AP2B1: variants seen among roughly 807,000 people sequenced by gnomAD.
AP2B1 encodes adaptor related protein complex 2 subunit beta 1, also known as AP-2 complex subunit beta.
Under a neutral mutation model 102.0 loss-of-function variants are expected in AP2B1, and 23 were observed. The ratio of observed to expected loss-of-function variants is 0.23; its 90% confidence interval spans 0.16 to 0.32. AP2B1 has a LOEUF of 0.32. Ranked by LOEUF, AP2B1 falls within the 10% of genes least tolerant of loss-of-function variation. The pLI is 1.00. For missense variants in AP2B1, 541 were observed against 1,157.4 expected, an observed-to-expected ratio of 0.47 and a Z score of 7.73; for synonymous variants, 381 against 421.2, an observed-to-expected ratio of 0.90 and a Z score of 1.17.
chr17:35,725,396 G>C lies in AP2B1; in HGVS notation c.*1697G>C. On this transcript the variant is annotated 3_prime_UTR_variant, in exon 22 of 22. Coordinates refer to ENST00000610402, the MANE Select transcript of AP2B1 (RefSeq NM_001030006.2). ...GACCTAACTCACTGGACTCAGAGGA[G>C]GAATCGTGGAAAACAAGAGCAAAAC... 1 of 152,164 alleles carries C rather than the reference G, an allele frequency of 6.6e-6. No homozygotes were observed. The highest frequency in any genetic ancestry group is 2.1e-4 in the South Asian group (1 of 4,834). The allele number at this position is 152,164 out of a possible 1,614,324, so 9.4% of individuals were successfully genotyped here.
intron 21 of AP2B1, among the ~76,000 whole-genome samples, chr17:35,721,867 C>T (rs1411034121): frequency 6.6e-6 from 1 of 152,180 alleles, no homozygotes; most frequent in African/African-American, 2.4e-5. Context: ...CTCTTCTCTT[C>T]CATTTCTGAA....
chr17:35,635,919 C>T (rs2074595473), intron 9 of AP2B1, among the ~76,000 whole-genome samples: 1 of 151,560 alleles, frequency 6.6e-6, no homozygotes, highest in African/African-American at 2.4e-5. Flanking sequence ...AAACCCCTGA[C>T]CTCAGGTGAT....
intron 12 of AP2B1, among the ~76,000 whole-genome samples, chr17:35,646,650 A>G (rs957289008): frequency 5.3e-5 from 8 of 150,010 alleles, no homozygotes; most frequent in Non-Finnish European, 7.4e-5. Flanking sequence ...CGGTGGTGCA[A>G]TCTCAGCTCA....
At chr17:35,653,846 C>G (rs905755152) in intron 13 of AP2B1, among the ~76,000 whole-genome samples, 2 of 152,052 alleles carry the variant, frequency 1.3e-5, no homozygotes, top group African/African-American at 4.8e-5. Context: ...AGCCACCGTG[C>G]CCAGCCCAGT....
At chr17:35,648,581 G>A (rs1244007926) in intron 12 of AP2B1, among the ~76,000 whole-genome samples, 1 of 152,016 alleles carries the variant, frequency 6.6e-6, no homozygotes, top group Non-Finnish European at 1.5e-5. Context: ...AATAATAAAG[G>A]TAGAAAGGGA....
chr17:35,666,019 C>G (rs1224169021), intron 14 of AP2B1, among the ~76,000 whole-genome samples: 3 of 152,070 alleles, frequency 2.0e-5, no homozygotes, highest in African/African-American at 7.2e-5. Context: ...CGGATTTATT[C>G]CCCTATATAA....
rs587734130 is a variant in AP2B1, at chr17:35,720,945, C to G, written c.2782-2680C>G. Among the ~76,000 whole-genome samples, 9 of 152,128 alleles carry G rather than the reference C, an allele frequency of 5.9e-5. No individual in the cohort carries two copies. In the South Asian group the frequency reaches 1.9e-3, roughly 32 times the overall value. Reference sequence around the variant, plus strand: ...GGTGGTAGAGGGGTATCAGAGGTATCTGATTTGCCTATCTAAAGAGGCAGA... The same window carrying G: ...GGTGGTAGAGGGGTATCAGAGGTATGTGATTTGCCTATCTAAAGAGGCAGA... On this transcript the variant is annotated intron_variant, in intron 21 of 21. Coordinates refer to ENST00000610402, the MANE Select transcript of AP2B1 (RefSeq NM_001030006.2).
At position 35,671,916 on chromosome 17, in the gene AP2B1, A is replaced by G. The variant is rs777117567; in HGVS notation, c.2178+16A>G. 9 of 1,610,972 alleles carry G rather than the reference A, an allele frequency of 5.6e-6. No individual in the cohort carries two copies. Among genetic ancestry groups the G allele is most frequent in the African/African-American group, 1.3e-5 (1 of 74,876 alleles). On this transcript the variant is annotated intron_variant, in intron 16 of 21. Transcript: ENST00000610402. ...TCCTAAGGCTGTAAGTAAAGAGTTA[A>G]CATAGCAATACTTTCTTAATGGACA...
In AP2B1 at chr17:35,636,119, T is replaced by G. The variant is rs146934085; in HGVS notation, c.1156-222T>G. Among the ~76,000 whole-genome samples, 753 of 152,324 alleles carry G rather than the reference T, an allele frequency of 4.9e-3. 7 individuals are homozygous for G. Among genetic ancestry groups the G allele is most frequent in the African/African-American group, 0.017 (708 of 41,558 alleles). ...CATGAGGAACATCCTTTTGTTTGTATTCAAAGGATTCATTTGAACTGATTC... is the reference window on the plus strand; with the variant it reads ...CATGAGGAACATCCTTTTGTTTGTAGTCAAAGGATTCATTTGAACTGATTC... On this transcript the variant is annotated intron_variant, in intron 9 of 21. Transcript: ENST00000610402.
In AP2B1 at chr17:35,640,925, C is replaced by T. The variant is rs2074761592; in HGVS notation, c.1438-952C>T. ...TTATCTTTGGATGAAAATTCTGAGA[C>T]TGCTTCTCACTTTCCCCTACCAAAA... On this transcript the variant is annotated intron_variant, in intron 11 of 21. Transcript: ENST00000610402. Among the ~76,000 whole-genome samples the T allele has an allele frequency of 3.3e-5, 5 of 152,198 alleles. No homozygotes were observed. The South Asian group carries it at 1.0e-3, about 32-fold the overall frequency.
At chr17:35,630,309 G>T (rs1555563833) in intron 9 of AP2B1, among the ~76,000 whole-genome samples, 1 of 152,210 alleles carries the variant, frequency 6.6e-6, no homozygotes, top group Non-Finnish European at 1.5e-5. Context: ...CTTCATTGGA[G>T]AAATGTTAAA....
intron 13 of AP2B1, 71 bp from the exon 14 acceptor site, chr17:35,657,525 CTGT>C: frequency 3.2e-6 from 4 of 1,243,142 alleles, no homozygotes; most frequent in Non-Finnish European, 4.5e-6. Flanking sequence ...ATATGTTTCA[CTGT>C]TGTTGCGATG....
At chr17:35,675,631 T>G (rs548017957) in intron 17 of AP2B1, among the ~76,000 whole-genome samples, 4 of 150,608 alleles carry the variant, frequency 2.7e-5, no homozygotes, top group Admixed American at 6.6e-5. Context: ...TTTTTTTTTT[T>G]CCTTTTTTTT....
At chr17:35,709,768 T>A (rs2076411198) in intron 19 of AP2B1, among the ~76,000 whole-genome samples, 1 of 152,220 alleles carries the variant, frequency 6.6e-6, no homozygotes, top group South Asian at 2.1e-4. Context: ...TTCAGTAATT[T>A]GTAATAAACC....
In AP2B1 at chr17:35,725,809, A is replaced by G. The variant is rs587606795; in HGVS notation, c.*2110A>G. ...TGTGTCAGGGCAAGCAGACAACACA[A>G]TTTCCTATCAGAATATGTCCCTCAA... On this transcript the variant is annotated 3_prime_UTR_variant, in exon 22 of 22. Coordinates refer to ENST00000610402, the MANE Select transcript of AP2B1 (RefSeq NM_001030006.2). The G allele has an allele frequency of 6.6e-6, 1 of 152,642 alleles. No individual in the cohort carries two copies. The highest frequency in any genetic ancestry group is 1.5e-5 in the Non-Finnish European group (1 of 68,030). 9.5% of individuals were successfully genotyped at this position (152,642 alleles called of 1,614,324 possible).
intron 14 of AP2B1, among the ~76,000 whole-genome samples, chr17:35,666,192 G>A (rs1319035497): frequency 1.3e-5 from 2 of 152,102 alleles, no homozygotes; most frequent in Non-Finnish European, 2.9e-5. Context: ...TAACCATGCC[G>A]AAATCCCTTT....
chr17:35,599,195 C>T (rs541400104), intron 3 of AP2B1, among the ~76,000 whole-genome samples: 30 of 152,300 alleles, frequency 2.0e-4, no homozygotes, highest in Admixed American at 1.0e-3. Context: ...GTGCAATGGT[C>T]GACTTGAGAA....
intron 18 of AP2B1, among the ~76,000 whole-genome samples, chr17:35,688,372 GTTTT>G: frequency 6.6e-6 from 1 of 151,994 alleles, no homozygotes; most frequent in Non-Finnish European, 1.5e-5. Context: ...CTTTAGCCCT[GTTTT>G]TTTCTCAGTG....
At chr17:35,631,319 CAT>C (rs1443480694) in intron 9 of AP2B1, among the ~76,000 whole-genome samples, 2 of 152,016 alleles carry the variant, frequency 1.3e-5, no homozygotes, top group South Asian at 2.1e-4. Context: ...AGACAAAAAA[CAT>C]ATTTTTCCTA....
Sources: gnomAD v4.1 joint callset for allele counts (sites outside exome capture counted in the v4.1 genomes callset) on GRCh38, gnomAD v4.1.1 for gene constraint, MANE v1.5 for transcripts, NCBI Gene and HGNC (gene_info 2026-07-23, HGNC 2026-07-21) for gene names.